The following SENP7 variants were observed in gnomAD, a reference collection of about 807,000 sequenced individuals.
SENP7 encodes sentrin-specific protease 7.
SENP7 carries 64 observed loss-of-function variants against 141.2 expected under a neutral mutation model. That is an observed-to-expected ratio of 0.45 (90% confidence interval 0.37 to 0.56). SENP7 has a LOEUF of 0.56. Among genes scored for constraint, SENP7 ranks in the 20% least tolerant of loss-of-function variants. The pLI is 0.00. For synonymous variants in SENP7, 382 were observed against 426.4 expected (o/e 0.90, Z 1.28); for missense variants, 1,025 against 1,212.2 (o/e 0.85, Z 2.29).
chr3:101,342,044 T>A (rs567555141), intron 14 of SENP7, among the ~76,000 whole-genome samples: 1 of 152,214 alleles, frequency 6.6e-6, no homozygotes, highest in African/African-American at 2.4e-5. Context: ...ATTTTGCAGT[T>A]CAAAATAATC....
chr3:101,436,245 A>G (rs2062383231), intron 4 of SENP7, among the ~76,000 whole-genome samples: 1 of 152,146 alleles, frequency 6.6e-6, no homozygotes, highest in African/African-American at 2.4e-5. Context: ...CTAGACCCCT[A>G]TCTCTCATCA....
At chr3:101,492,053 T>C (rs367743898) in intron 3 of SENP7, among the ~76,000 whole-genome samples, 3 of 151,738 alleles carry the variant, frequency 2.0e-5, no homozygotes, top group Non-Finnish European at 2.9e-5. Flanking sequence ...GATCGCGACA[T>C]TGCACTCCAG....
intron 4 of SENP7, among the ~76,000 whole-genome samples, chr3:101,429,920 C>T (rs1444496770): frequency 6.6e-6 from 1 of 152,090 alleles, no homozygotes; most frequent in Non-Finnish European, 1.5e-5. Context: ...TTGTCAAAGG[C>T]CTTTTCTGCA....
chr3:101,479,909 A>C (rs2064384759), intron 3 of SENP7, among the ~76,000 whole-genome samples: 2 of 131,786 alleles, frequency 1.5e-5, no homozygotes, highest in East Asian at 4.3e-4. Context: ...AAAAAAAAAA[A>C]AAAAAAAAAA....
At chr3:101,406,828 C>T (rs1200988644) in intron 5 of SENP7, among the ~76,000 whole-genome samples, 2 of 152,078 alleles carry the variant, frequency 1.3e-5, no homozygotes, top group Non-Finnish European at 2.9e-5. Flanking sequence ...GCAAAAGCAC[C>T]AGGTAACCTG....
chr3:101,491,637 AC>A, intron 3 of SENP7, among the ~76,000 whole-genome samples: 1 of 152,306 alleles, frequency 6.6e-6, no homozygotes, highest in Non-Finnish European at 1.5e-5. Flanking sequence ...AACAGAAGTC[AC>A]CTGGTCTCCT....
chr3:101,355,966 T>C (rs2059731822), intron 11 of SENP7, among the ~76,000 whole-genome samples: 2 of 152,172 alleles, frequency 1.3e-5, no homozygotes, highest in South Asian at 4.1e-4. Flanking sequence ...ATTCATTTTG[T>C]GGCAATTGTG....
intron 13 of SENP7, among the ~76,000 whole-genome samples, chr3:101,346,675 A>G (rs184551916): frequency 2.0e-5 from 3 of 152,238 alleles, no homozygotes; most frequent in Admixed American, 1.3e-4. Flanking sequence ...CAATCAGCCC[A>G]TGTTCTCAGT....
chr3:101,431,920 AGGG>A (rs961693124), intron 4 of SENP7, among the ~76,000 whole-genome samples: 18 of 152,206 alleles, frequency 1.2e-4, no homozygotes, highest in African/African-American at 3.6e-4. Flanking sequence ...TGAAATTAAA[AGGG>A]GATTTTGTCT....
At chr3:101,486,620 A>C (rs2064740785) in intron 3 of SENP7, among the ~76,000 whole-genome samples, 1 of 152,238 alleles carries the variant, frequency 6.6e-6, no homozygotes, top group African/African-American at 2.4e-5. Context: ...TAAATCTTGA[A>C]ACAAATTCTG....
intron 4 of SENP7, among the ~76,000 whole-genome samples, chr3:101,452,465 T>C (rs1157801724): frequency 6.6e-6 from 1 of 152,232 alleles, no homozygotes; most frequent in South Asian, 2.1e-4. Context: ...CTTCAAACTA[T>C]ACTACAAGGC....
intron 3 of SENP7, among the ~76,000 whole-genome samples, chr3:101,482,343 T>C (rs935451963): frequency 1.3e-4 from 20 of 151,664 alleles, no homozygotes; most frequent in Admixed American, 2.6e-4. Flanking sequence ...AGAAATACTT[T>C]GGTATAACTC....
intron 13 of SENP7, among the ~76,000 whole-genome samples, chr3:101,346,838 T>C (rs1350422669): frequency 6.6e-6 from 1 of 151,522 alleles, no homozygotes; most frequent in Non-Finnish European, 1.5e-5. Context: ...TGCACTAATA[T>C]CTCACAAATT....
intron 5 of SENP7, among the ~76,000 whole-genome samples, chr3:101,413,232 A>G (rs2061503582): frequency 6.6e-6 from 1 of 152,174 alleles, no homozygotes; most frequent in Non-Finnish European, 1.5e-5. Context: ...AAATAAAACA[A>G]AAAGCCTCAT....
chr3:101,447,247 C>T (rs2107805909), intron 4 of SENP7, among the ~76,000 whole-genome samples: 1 of 152,162 alleles, frequency 6.6e-6, no homozygotes. Flanking sequence ...GTGTTCAAGA[C>T]CAACCTGGGC....
At chr3:101,430,213 G>C (rs1487080779) in intron 4 of SENP7, among the ~76,000 whole-genome samples, 1 of 152,164 alleles carries the variant, frequency 6.6e-6, no homozygotes, top group Non-Finnish European at 1.5e-5. Context: ...AAATGAGTTA[G>C]GGAGATTTTC....
chr3:101,442,397 A>G (rs373572352), intron 4 of SENP7, among the ~76,000 whole-genome samples: 1 of 152,152 alleles, frequency 6.6e-6, no homozygotes, highest in African/African-American at 2.4e-5. Flanking sequence ...GGAACATGCA[A>G]CCTAGGTCGC....
intron 4 of SENP7, among the ~76,000 whole-genome samples, chr3:101,434,042 G>A (rs974165274): frequency 1.3e-5 from 2 of 152,026 alleles, no homozygotes; most frequent in Non-Finnish European, 2.9e-5. Flanking sequence ...GTCAATAAAC[G>A]AGTCTTAAAA....
chr3:101,478,564 C>CA (rs375124532), intron 3 of SENP7, among the ~76,000 whole-genome samples: 2 of 152,096 alleles, frequency 1.3e-5, no homozygotes, highest in Non-Finnish European at 2.9e-5. Context: ...AAAAGGCTCC[C>CA]AAAAAAGAAA....
Sources: allele counts gnomAD v4.1 joint callset (sites outside exome capture counted in the v4.1 genomes callset), GRCh38; gene constraint gnomAD v4.1.1; transcripts MANE v1.5; gene names NCBI Gene and HGNC (gene_info 2026-07-23, HGNC 2026-07-21).